The following ADAMTSL1 variants were observed in gnomAD, a reference collection of about 807,000 sequenced individuals.
ADAMTSL1 encodes ADAMTS-like protein 1.
In ADAMTSL1, 126 loss-of-function variants were observed where a neutral mutation model predicts 201.8. The observed-to-expected ratio is 0.62, with a 90% CI of 0.54 to 0.72. The LOEUF (loss-of-function observed/expected upper bound fraction) is 0.72. Ranked by LOEUF, ADAMTSL1 falls within the 30% of genes least tolerant of loss-of-function variation. ADAMTSL1 has a pLI of 0.00. For missense variants in ADAMTSL1, 2,679 were observed against 2,277.8 expected, an observed-to-expected ratio of 1.18 and a Z score of -3.59; for synonymous variants, 1,121 against 903.4, an observed-to-expected ratio of 1.24 and a Z score of -4.32.
At chr9:18,580,455 TC>T (rs1823026652) in intron 4 of ADAMTSL1, among the ~76,000 whole-genome samples, 1 of 152,240 alleles carries the variant, frequency 6.6e-6, no homozygotes, top group African/African-American at 2.4e-5. Context: ...GGACATTTTT[TC>T]TTCTGTACTT....
At chr9:18,685,520 A>G (rs1337152512) in intron 13 of ADAMTSL1, among the ~76,000 whole-genome samples, 1 of 152,220 alleles carries the variant, frequency 6.6e-6, no homozygotes, top group Non-Finnish European at 1.5e-5. Flanking sequence ...GAAAAATTTC[A>G]TCTATGACCC....
chr9:18,258,098 T>A (rs1428893684), intron 2 of ADAMTSL1, among the ~76,000 whole-genome samples: 1 of 150,506 alleles, frequency 6.6e-6, no homozygotes, highest in Non-Finnish European at 1.5e-5. Context: ...GTTGTACTCT[T>A]AAAAATAGGT....
intron 15 of ADAMTSL1, among the ~76,000 whole-genome samples, chr9:18,736,873 A>T (rs916420003): frequency 6.6e-6 from 1 of 152,182 alleles, no homozygotes; most frequent in African/African-American, 2.4e-5. Flanking sequence ...CCATTTCCAT[A>T]ACTGTGTAAT....
intron 2 of ADAMTSL1, among the ~76,000 whole-genome samples, chr9:18,350,665 A>T (rs897066468): frequency 1.3e-5 from 2 of 152,164 alleles, no homozygotes; most frequent in African/African-American, 4.8e-5. Flanking sequence ...ATTATTTCAC[A>T]CTGGAAATCA....
chr9:18,151,171 G>T (rs1431986774), intron 1 of ADAMTSL1, among the ~76,000 whole-genome samples: 1 of 151,978 alleles, frequency 6.6e-6, no homozygotes, highest in Non-Finnish European at 1.5e-5. Context: ...CTTAATGCAT[G>T]ATCAAAGAGG....
chr9:18,089,964 A>G (rs1823936788), intron 1 of ADAMTSL1, among the ~76,000 whole-genome samples: 1 of 152,182 alleles, frequency 6.6e-6, no homozygotes, highest in African/African-American at 2.4e-5. Context: ...TGGTAATTAT[A>G]ATTTATATTA....
chr9:18,267,099 A>G (rs975228686), intron 2 of ADAMTSL1, among the ~76,000 whole-genome samples: 1 of 152,174 alleles, frequency 6.6e-6, no homozygotes, highest in Admixed American at 6.5e-5. Context: ...TTGCAGTGGC[A>G]TTTAGCAGGC....
At chr9:18,014,026 A>G (rs1435411337) in intron 1 of ADAMTSL1, among the ~76,000 whole-genome samples, 1 of 152,168 alleles carries the variant, frequency 6.6e-6, no homozygotes, top group East Asian at 1.9e-4. Flanking sequence ...TCCAGAGATT[A>G]CCATCAATCA....
intron 2 of ADAMTSL1, among the ~76,000 whole-genome samples, chr9:18,509,169 C>T (rs1344919801): frequency 1.6e-4 from 11 of 68,344 alleles, no homozygotes; most frequent in Middle Eastern, 0.025. Context: ...CCGGCCTGGG[C>T]GACAGAGCGA....
chr9:18,592,402 C>T (rs903785796), intron 4 of ADAMTSL1, among the ~76,000 whole-genome samples: 6 of 152,112 alleles, frequency 3.9e-5, no homozygotes, highest in African/African-American at 1.4e-4. Context: ...ACTTATCAAG[C>T]TTTATCATCT....
intron 2 of ADAMTSL1, among the ~76,000 whole-genome samples, chr9:18,202,865 A>G (rs1372535586): frequency 6.6e-6 from 1 of 152,056 alleles, no homozygotes; most frequent in Non-Finnish European, 1.5e-5. Flanking sequence ...AGAAATAAAC[A>G]GATTGTCAGA....
At chr9:18,072,476 T>G (rs1199541324) in intron 1 of ADAMTSL1, among the ~76,000 whole-genome samples, 4 of 152,222 alleles carry the variant, frequency 2.6e-5, no homozygotes, top group Non-Finnish European at 5.9e-5. Flanking sequence ...GACCTAGTCT[T>G]CAAACCAACA....
intron 1 of ADAMTSL1, among the ~76,000 whole-genome samples, chr9:17,934,758 A>AT: frequency 6.6e-6 from 1 of 152,060 alleles, no homozygotes; most frequent in Admixed American, 6.6e-5. Context: ...GTATTCTGAC[A>AT]TATCTCCAGT....
At chr9:18,196,972 C>T (rs971169066) in intron 2 of ADAMTSL1, among the ~76,000 whole-genome samples, 3 of 152,116 alleles carry the variant, frequency 2.0e-5, no homozygotes, top group Admixed American at 6.6e-5. Context: ...CACACACATG[C>T]TAATTCTCTA....
At position 18,909,141 on chromosome 9, in the gene ADAMTSL1, G is replaced by A. The variant is rs1248520210; in HGVS notation, c.*593G>A. ...AGAGAAGAACTCAGATCACCAGTAG[G>A]GAGAGGTAAAAAAGCAAACAAAGCA... On this transcript the variant is annotated 3_prime_UTR_variant, in exon 29 of 29. Coordinates refer to ENST00000380548, the MANE Select transcript of ADAMTSL1 (RefSeq NM_001040272.6). 1 of 152,610 alleles carries A rather than the reference G, an allele frequency of 6.6e-6. No individual in the cohort carries two copies. Among genetic ancestry groups the A allele is most frequent in the Non-Finnish European group, 1.5e-5 (1 of 68,380 alleles). 9.5% of individuals were successfully genotyped at this position (152,610 alleles called of 1,614,324 possible).
intron 1 of ADAMTSL1, among the ~76,000 whole-genome samples, chr9:18,007,321 C>T (rs1443542690): frequency 6.6e-6 from 1 of 151,982 alleles, no homozygotes; most frequent in African/African-American, 2.4e-5. Context: ...AAAAAAATAG[C>T]TTCTTGATAT....
At chr9:18,244,765 G>A (rs796619048) in intron 2 of ADAMTSL1, among the ~76,000 whole-genome samples, 9 of 152,168 alleles carry the variant, frequency 5.9e-5, no homozygotes, top group African/African-American at 1.9e-4. Flanking sequence ...CAAGTGTCTT[G>A]TCTGCTTACT....
chr9:17,989,029 G>T (rs1037491000), intron 1 of ADAMTSL1, among the ~76,000 whole-genome samples: 1 of 151,558 alleles, frequency 6.6e-6, no homozygotes, highest in Non-Finnish European at 1.5e-5. Flanking sequence ...TCACCCTCTT[G>T]GAAAGTGATT....
intron 2 of ADAMTSL1, among the ~76,000 whole-genome samples, chr9:18,210,558 T>G (rs1829832270): frequency 1.3e-5 from 2 of 148,966 alleles, no homozygotes; most frequent in Non-Finnish European, 3.0e-5. Context: ...AATGCTAAGA[T>G]GGATTTGTTA....
Sources: gnomAD v4.1 joint callset for allele counts (sites outside exome capture counted in the v4.1 genomes callset) on GRCh38, gnomAD v4.1.1 for gene constraint, MANE v1.5 for transcripts, NCBI Gene and HGNC (gene_info 2026-07-23, HGNC 2026-07-21) for gene names.